The following SIK2 variants were observed in gnomAD, a reference collection of about 807,000 sequenced individuals.
SIK2 encodes the protein salt inducible kinase 2.
In SIK2, 29 loss-of-function variants were observed where a neutral mutation model predicts 103.2. The ratio of observed to expected loss-of-function variants is 0.28; its 90% CI spans 0.21 to 0.38. The LOEUF (loss-of-function observed/expected upper bound fraction) is 0.38, where lower values mean the gene tolerates loss of function less well. SIK2 is among the 10% of genes least tolerant of loss of function. The pLI is 1.00. For missense variants in SIK2, 879 were observed against 1,171.0 expected, an observed-to-expected ratio of 0.75 and a Z score of 3.64; for synonymous variants, 412 against 446.1, an observed-to-expected ratio of 0.92 and a Z score of 0.96.
chr11:111,614,123 C>A (rs534439476), intron 1 of SIK2, among the ~76,000 whole-genome samples: 1 of 151,160 alleles, frequency 6.6e-6, no homozygotes, highest in South Asian at 2.1e-4. Context: ...GCTCTGTCGC[C>A]CAGACTGGAG....
chr11:111,686,235 G>T (rs1942843995), intron 3 of SIK2, among the ~76,000 whole-genome samples: 1 of 152,184 alleles, frequency 6.6e-6, no homozygotes, highest in Non-Finnish European at 1.5e-5. Flanking sequence ...GAGGTCAGGA[G>T]TTTGACACCA....
Position 111,722,644 on chromosome 11 carries a change from GTTGT to G in SIK2, c.2056-18_2056-15del, listed in dbSNP as rs781566110. On this transcript the variant is annotated splice_polypyrimidine_tract_variant and intron_variant, in intron 13 of 14. Transcript: ENST00000304987. The surrounding 1 kb of genome is among the most constrained non-coding windows in gnomAD (Gnocchi z 4.4). ...GGTGACAGCACATTGTCACGCTCATGTTGTTTTTCTGCTCTTCCAGAAGCCCAGC... is the reference window on the plus strand; with the variant it reads ...GGTGACAGCACATTGTCACGCTCATGTTTTCTGCTCTTCCAGAAGCCCAGC... 9 of 1,610,664 alleles carry G rather than the reference GTTGT, an allele frequency of 5.6e-6. No homozygotes were observed. In the South Asian group the frequency reaches 8.8e-5, roughly 16 times the overall value.
intron 3 of SIK2, among the ~76,000 whole-genome samples, chr11:111,629,616 A>G (rs1942010918): frequency 6.6e-6 from 1 of 152,178 alleles, no homozygotes; most frequent in African/African-American, 2.4e-5. Context: ...AATTCAACAG[A>G]TAATTAAATT....
intron 2 of SIK2, among the ~76,000 whole-genome samples, chr11:111,618,109 A>G (rs955994679): frequency 2.0e-5 from 3 of 152,058 alleles, no homozygotes; most frequent in Admixed American, 1.3e-4. Flanking sequence ...GTGGAAGGCA[A>G]TTATTCTACC....
At chr11:111,714,677 A>G (rs1292027970) in intron 9 of SIK2, among the ~76,000 whole-genome samples, 1 of 152,196 alleles carries the variant, frequency 6.6e-6, no homozygotes, top group African/African-American at 2.4e-5. Flanking sequence ...TCAGAAATGG[A>G]GAACTAAAGG....
chr11:111,673,088 T>C (rs1036104302), intron 3 of SIK2, among the ~76,000 whole-genome samples: 2 of 152,194 alleles, frequency 1.3e-5, no homozygotes, highest in African/African-American at 2.4e-5. Flanking sequence ...CATCATTAAA[T>C]GTAAATATTG....
At position 111,688,729 on chromosome 11, in the gene SIK2, C is replaced by T. The variant is rs1001852336; in HGVS notation, c.478+567C>T. Among the ~76,000 whole-genome samples, 2 of 152,058 alleles carry T rather than the reference C, an allele frequency of 1.3e-5. No individual in the cohort carries two copies. The highest frequency in any genetic ancestry group is 4.8e-5 in the African/African-American group (2 of 41,414). ...GTTGTAAAATGTTTTATTTTATATT[C>T]TCAGTCTCTTTATTTACATAGTCAA... is the stretch of plus-strand genomic sequence containing the variant. On this transcript the variant is annotated intron_variant, in intron 4 of 14. Coordinates refer to ENST00000304987, the MANE Select transcript of SIK2 (RefSeq NM_015191.3). This position sits in a 1 kb window ranked among gnomAD's most constrained non-coding sequence, Gnocchi z 4.2.
chr11:111,674,370 G>T (rs1337615887), intron 3 of SIK2, among the ~76,000 whole-genome samples: 1 of 152,214 alleles, frequency 6.6e-6, no homozygotes, highest in East Asian at 1.9e-4. Flanking sequence ...TGAACTTGGA[G>T]ATAGGAGGCA....
intron 4 of SIK2, among the ~76,000 whole-genome samples, chr11:111,696,855 T>G (rs1476625505): frequency 2.6e-5 from 4 of 152,236 alleles, no homozygotes; most frequent in Admixed American, 2.6e-4. Context: ...TAAATGGCAG[T>G]AAGAAATAAA....
intron 1 of SIK2, among the ~76,000 whole-genome samples, chr11:111,605,032 G>A (rs1405076934): frequency 1.3e-5 from 2 of 150,330 alleles, no homozygotes; most frequent in African/African-American, 2.5e-5. Flanking sequence ...GTGCGATCTC[G>A]GCTCACTGCA....
At chr11:111,694,940 T>C (rs1251391481) in intron 4 of SIK2, among the ~76,000 whole-genome samples, 1 of 152,236 alleles carries the variant, frequency 6.6e-6, no homozygotes, top group African/African-American at 2.4e-5. Context: ...TCATCTCAAC[T>C]GTGATGATTG....
intron 3 of SIK2, among the ~76,000 whole-genome samples, chr11:111,652,795 G>C (rs1942343980): frequency 6.6e-6 from 1 of 152,138 alleles, no homozygotes; most frequent in East Asian, 1.9e-4. Context: ...GATGAGGAAA[G>C]GGAGACTCAA....
intron 9 of SIK2, among the ~76,000 whole-genome samples, chr11:111,719,027 GA>G (rs201953378): frequency 0.011 from 1,633 of 152,330 alleles, 11 homozygotes; most frequent in Non-Finnish European, 0.018. Context: ...ACCCCTGTGG[GA>G]TAGGAACCAT....
chr11:111,611,554 C>T (rs1031043203), intron 1 of SIK2, among the ~76,000 whole-genome samples: 11 of 151,974 alleles, frequency 7.2e-5, no homozygotes, highest in Admixed American at 5.2e-4. Flanking sequence ...GTTGAATATT[C>T]AATGTTGCTA....
At chr11:111,690,000 A>C (rs1442166627) in intron 4 of SIK2, among the ~76,000 whole-genome samples, 2 of 147,154 alleles carry the variant, frequency 1.4e-5, no homozygotes, top group Admixed American at 6.8e-5. Flanking sequence ...ATATATATAT[A>C]TCACACATAT....
chr11:111,610,817 T>G (rs541701579), intron 1 of SIK2, among the ~76,000 whole-genome samples: 26 of 152,156 alleles, frequency 1.7e-4, no homozygotes, highest in Non-Finnish European at 3.7e-4. Flanking sequence ...TTTTTTCTTA[T>G]TAGAAAAATA....
intron 3 of SIK2, chr11:111,671,999 G>T (rs1021422666): frequency 1.2e-5 from 6 of 519,758 alleles, no homozygotes; most frequent in Non-Finnish European, 1.9e-5. Flanking sequence ...GCCATCTTCT[G>T]CTGCTGCAGG....
At chr11:111,640,722 A>ATTTTTTT (rs58052684) in intron 3 of SIK2, among the ~76,000 whole-genome samples, 8 of 65,944 alleles carry the variant, frequency 1.2e-4, no homozygotes, top group East Asian at 9.9e-4. Flanking sequence ...GAAACAGGCA[A>ATTTTTTT]TTTTTTTTTT....
chr11:111,625,567 A>G (rs999600802), intron 3 of SIK2, among the ~76,000 whole-genome samples: 1 of 152,210 alleles, frequency 6.6e-6, no homozygotes. Context: ...CCTAGAAACC[A>G]AGTGACCAAA....
Sources: allele counts gnomAD v4.1 joint callset (sites outside exome capture counted in the v4.1 genomes callset), GRCh38; gene constraint gnomAD v4.1.1; non-coding constraint Gnocchi (gnomAD v3.1); transcripts MANE v1.5; gene names NCBI Gene and HGNC (gene_info 2026-07-23, HGNC 2026-07-21).